The following ZBTB20 variants were observed in gnomAD, a reference collection of about 807,000 sequenced individuals.
ZBTB20 encodes zinc finger and BTB domain-containing protein 20.
In ZBTB20, 9 loss-of-function variants were observed where a neutral mutation model predicts 56.9. The ratio of observed to expected loss-of-function variants is 0.16; its 90% CI spans 0.10 to 0.28. The LOEUF (loss-of-function observed/expected upper bound fraction) is 0.28. ZBTB20 is among the 10% of genes least tolerant of loss of function. The pLI is 1.00. For missense variants in ZBTB20, 655 were observed against 1,003.0 expected, an observed-to-expected ratio of 0.65 and a Z score of 4.69; for synonymous variants, 417 against 420.7, an observed-to-expected ratio of 0.99 and a Z score of 0.11.
intron 4 of ZBTB20, among the ~76,000 whole-genome samples, chr3:114,824,835 A>AT (rs1180688480): frequency 2.0e-5 from 3 of 151,910 alleles, no homozygotes; most frequent in African/African-American, 7.2e-5. Context: ...ACCACTTTGT[A>AT]TTTTTCATTA....
intron 6 of ZBTB20, among the ~76,000 whole-genome samples, chr3:114,526,870 C>T (rs1240274103): frequency 6.6e-6 from 1 of 152,194 alleles, no homozygotes; most frequent in Non-Finnish European, 1.5e-5. Flanking sequence ...AAGAATTAGT[C>T]TCACAAGTAG....
intron 1 of ZBTB20, among the ~76,000 whole-genome samples, chr3:115,093,049 C>A (rs1440123033): frequency 6.6e-6 from 1 of 152,046 alleles, no homozygotes; most frequent in East Asian, 1.9e-4. Context: ...GCTTTCTCCT[C>A]ATTTTACAGG....
At chr3:115,053,112 A>C (rs75839006) in intron 2 of ZBTB20, among the ~76,000 whole-genome samples, 1,590 of 152,290 alleles carry the variant, frequency 0.01, 18 homozygotes, top group African/African-American at 0.031. Flanking sequence ...AAATATTGTT[A>C]ACCACAGATA....
At chr3:114,745,311 C>T (rs957707246) in intron 5 of ZBTB20, among the ~76,000 whole-genome samples, 6 of 152,134 alleles carry the variant, frequency 3.9e-5, no homozygotes, top group African/African-American at 1.2e-4. Context: ...GTTATTTTCC[C>T]TTAATACTTA....
At chr3:115,106,297 G>A (rs368033116) in intron 1 of ZBTB20, among the ~76,000 whole-genome samples, 28 of 143,530 alleles carry the variant, frequency 2.0e-4, no homozygotes, top group East Asian at 1.7e-3. Flanking sequence ...GCAGTGGCCC[G>A]ATCTTAGCTC....
chr3:114,908,469 G>A (rs936068321), intron 3 of ZBTB20, among the ~76,000 whole-genome samples: 3 of 151,918 alleles, frequency 2.0e-5, no homozygotes, highest in Non-Finnish European at 4.4e-5. Context: ...CACTGAGAAT[G>A]GCAACCTCCT....
intron 5 of ZBTB20, among the ~76,000 whole-genome samples, chr3:114,773,664 T>A (rs1011973988): frequency 5.9e-5 from 9 of 152,060 alleles, no homozygotes; most frequent in African/African-American, 1.9e-4. Flanking sequence ...TCCACTCTCT[T>A]CAACAGGAAA....
At chr3:114,858,131 T>C (rs1365266544) in intron 4 of ZBTB20, among the ~76,000 whole-genome samples, 1 of 152,232 alleles carries the variant, frequency 6.6e-6, no homozygotes, top group African/African-American at 2.4e-5. Flanking sequence ...ACTAATAATC[T>C]CTATTAATCT....
intron 2 of ZBTB20, among the ~76,000 whole-genome samples, chr3:115,046,395 T>C (rs1242435499): frequency 6.6e-6 from 1 of 152,164 alleles, no homozygotes; most frequent in Non-Finnish European, 1.5e-5. Flanking sequence ...GGCTTAATAA[T>C]GTGGCATCAA....
intron 6 of ZBTB20, among the ~76,000 whole-genome samples, chr3:114,667,050 G>C (rs754226464): frequency 2.0e-5 from 3 of 151,986 alleles, no homozygotes; most frequent in Non-Finnish European, 2.9e-5. Flanking sequence ...CTTTTTAAAA[G>C]CTGCATCAAA....
chr3:114,323,008 C>T lies in ZBTB20; in HGVS notation c.*15997G>A, dbSNP rs531091703. 2.9e-4 allele frequency: 44 copies of T among 152,268 alleles called. 1 individual carries two copies. The highest frequency in any genetic ancestry group is 1.1e-3 in the African/African-American group (44 of 41,574). The allele number at this position is 152,268 out of a possible 1,614,324, so 9.4% of individuals were successfully genotyped here. A position where few individuals can be genotyped will look rare whatever the true frequency, so the allele number is the denominator to read the frequency against. On this transcript the variant is annotated 3_prime_UTR_variant, in exon 12 of 12. Coordinates refer to ENST00000675478, the MANE Select transcript of ZBTB20 (RefSeq NM_001348800.3). ...TGATCCTTTCCTACTGTGCCAGAAC[C>T]TTCAAAACTGTCACTTTGAGTTCCA...
intron 6 of ZBTB20, among the ~76,000 whole-genome samples, chr3:114,681,158 A>AT (rs10576152): frequency 0.065 from 7,899 of 121,112 alleles, 333 homozygotes; most frequent in Middle Eastern, 0.13. Context: ...TGAGCGTATA[A>AT]TTTTTTTTTT....
chr3:114,927,680 C>G (rs542359086), intron 3 of ZBTB20, among the ~76,000 whole-genome samples: 25 of 152,200 alleles, frequency 1.6e-4, no homozygotes, highest in Middle Eastern at 3.4e-3. Context: ...AAGTTTCCAA[C>G]CAAATTATAT....
At chr3:114,478,947 C>G (rs2041192406) in intron 7 of ZBTB20, among the ~76,000 whole-genome samples, 4 of 152,128 alleles carry the variant, frequency 2.6e-5, no homozygotes, top group Admixed American at 6.5e-5. Flanking sequence ...TCAGACAGTA[C>G]ATTTATGCAT....
chr3:114,593,595 G>A (rs1482762820), intron 6 of ZBTB20, among the ~76,000 whole-genome samples: 1 of 152,074 alleles, frequency 6.6e-6, no homozygotes, highest in Non-Finnish European at 1.5e-5. Flanking sequence ...CGTTGGTCAG[G>A]CTGGTCTCGA....
At chr3:115,002,143 T>G (rs1436217997) in intron 2 of ZBTB20, among the ~76,000 whole-genome samples, 1 of 151,422 alleles carries the variant, frequency 6.6e-6, no homozygotes, top group Non-Finnish European at 1.5e-5. Context: ...AGAGCAAAAG[T>G]CTTTTCAACA....
At chr3:114,654,117 GTTAT>G (rs1387649542) in intron 6 of ZBTB20, among the ~76,000 whole-genome samples, 1 of 151,420 alleles carries the variant, frequency 6.6e-6, no homozygotes, top group Non-Finnish European at 1.5e-5. Flanking sequence ...TTCTGCCTTT[GTTAT>G]TTGTTTTCTT....
At chr3:114,665,015 A>G (rs1415999404) in intron 6 of ZBTB20, among the ~76,000 whole-genome samples, 1 of 152,122 alleles carries the variant, frequency 6.6e-6, no homozygotes, top group Middle Eastern at 3.2e-3. Context: ...TTTTCTGAGC[A>G]AGGAAAAGCT....
intron 7 of ZBTB20, among the ~76,000 whole-genome samples, chr3:114,492,137 A>G (rs2042820052): frequency 6.6e-6 from 1 of 151,948 alleles, no homozygotes; most frequent in African/African-American, 2.4e-5. Context: ...AAATATTAAG[A>G]GCTCTTCAAG....
Sources: allele counts gnomAD v4.1 joint callset (sites outside exome capture counted in the v4.1 genomes callset), GRCh38; gene constraint gnomAD v4.1.1; transcripts MANE v1.5; gene names NCBI Gene and HGNC (gene_info 2026-07-23, HGNC 2026-07-21).